The following THRB variants were observed in gnomAD, a reference collection of about 807,000 sequenced individuals.
The protein encoded by THRB is nuclear receptor subfamily 1 group A member 2.
THRB carries 12 observed loss-of-function variants against 47.8 expected under a neutral mutation model. That is an observed-to-expected ratio of 0.25 (90% CI 0.16 to 0.41). The LOEUF (loss-of-function observed/expected upper bound fraction) is 0.41, where lower values mean the gene tolerates loss of function less well. THRB is among the 10% of genes least tolerant of loss of function. THRB has a pLI of 1.00. For synonymous variants in THRB, 218 were observed against 212.2 expected (o/e 1.03, Z -0.24); for missense variants, 348 against 589.2 (o/e 0.59, Z 4.24).
Position 24,490,254 on chromosome 3 carries a change from A to G in THRB, c.-261+4398T>C, listed in dbSNP as rs562747426. 1.1e-4 allele frequency among the ~76,000 whole-genome samples: 16 copies of G among 152,334 alleles called. No individual in the cohort carries two copies. The South Asian group carries it at 3.3e-3, about 32-fold the overall frequency. On this transcript the variant is annotated intron_variant, in intron 1 of 10. Coordinates refer to ENST00000646209, the MANE Select transcript of THRB (RefSeq NM_001354712.2). ...CAAAGAATCAGAATGACTTTAAATA[A>G]AACAAGGAGTTAACTTGCCATCCAT... is the stretch of plus-strand genomic sequence containing the variant.
chr3:24,165,138 T>C (rs749758638), intron 5 of THRB: 1 of 765,124 alleles, frequency 1.3e-6, no homozygotes, highest in East Asian at 2.4e-5. Flanking sequence ...TCAGAGTCCT[T>C]GCTTTTAAAC....
intron 9 of THRB, among the ~76,000 whole-genome samples, chr3:24,128,884 T>TTTTTTTTTTG (rs2033372166): frequency 1.5e-5 from 2 of 136,120 alleles, no homozygotes; most frequent in African/African-American, 5.9e-5. Context: ...TTTTTTTTTT[T>TTTTTTTTTTG]TTTTTACCAT....
intron 1 of THRB, among the ~76,000 whole-genome samples, chr3:24,428,226 A>G (rs1461949692): frequency 6.6e-6 from 1 of 152,076 alleles, no homozygotes; most frequent in Non-Finnish European, 1.5e-5. Flanking sequence ...CTGTCAATAA[A>G]CAAAATATTA....
intron 4 of THRB, among the ~76,000 whole-genome samples, chr3:24,219,510 C>T (rs1269362280): frequency 4.6e-5 from 7 of 152,118 alleles, no homozygotes; most frequent in Non-Finnish European, 1.5e-5. Context: ...GTTCACTGGT[C>T]AAATGCATGG....
chr3:24,137,660 C>G (rs1269271402), intron 8 of THRB, among the ~76,000 whole-genome samples: 1 of 152,078 alleles, frequency 6.6e-6, no homozygotes, highest in East Asian at 1.9e-4. Flanking sequence ...CAGAGGTAGG[C>G]AGGGGGATCC....
chr3:24,152,040 C>A (rs1241017733), intron 6 of THRB, among the ~76,000 whole-genome samples: 1 of 152,166 alleles, frequency 6.6e-6, no homozygotes, highest in African/African-American at 2.4e-5. Context: ...GAGAAACAGT[C>A]ATTTCTCGGG....
At chr3:24,492,855 G>C (rs1386974168) in intron 1 of THRB, among the ~76,000 whole-genome samples, 1 of 152,050 alleles carries the variant, frequency 6.6e-6, no homozygotes, top group African/African-American at 2.4e-5. Context: ...ATGCCAACAG[G>C]AATTATTTCA....
At chr3:24,132,019 C>T (rs2033938417) in intron 9 of THRB, among the ~76,000 whole-genome samples, 1 of 152,138 alleles carries the variant, frequency 6.6e-6, no homozygotes, top group Non-Finnish European at 1.5e-5. Context: ...TGTGGAGGCT[C>T]AGAAATTGGC....
intron 5 of THRB, 123 bp from the exon 6 acceptor site, chr3:24,152,613 G>T (rs1036800169): frequency 8.7e-6 from 6 of 691,364 alleles, no homozygotes; most frequent in African/African-American, 3.6e-5. Flanking sequence ...CAACAGTAAA[G>T]ACTTAGTGAA....
intron 1 of THRB, among the ~76,000 whole-genome samples, chr3:24,451,428 G>C (rs2072644060): frequency 6.6e-6 from 1 of 151,788 alleles, no homozygotes; most frequent in African/African-American, 2.4e-5. Flanking sequence ...GTAGAGATGG[G>C]GTTTCACTAT....
At chr3:24,489,552 G>C (rs1488052412) in intron 1 of THRB, among the ~76,000 whole-genome samples, 1 of 152,176 alleles carries the variant, frequency 6.6e-6, no homozygotes, top group Non-Finnish European at 1.5e-5. Context: ...GGACAGTCAA[G>C]GTTCCTAGGT....
chr3:24,228,664 A>C (rs1161031183), intron 4 of THRB, among the ~76,000 whole-genome samples: 1 of 151,788 alleles, frequency 6.6e-6, no homozygotes, highest in African/African-American at 2.4e-5. Flanking sequence ...GAAAAAAAAG[A>C]AAAGAAAATA....
Position 24,139,652 on chromosome 3 carries a change from C to T in THRB, c.738+3849G>A, listed in dbSNP as rs536329116. On this transcript the variant is annotated intron_variant, in intron 8 of 10. Transcript: ENST00000646209. ...CCACCCACCTTGGCCTCCCAAAGTG[C>T]TGAAACTGCAGGCATGAGCCACTGT... 2.0e-4 allele frequency among the ~76,000 whole-genome samples: 30 copies of T among 152,302 alleles called. No individual in the cohort carries two copies. The South Asian group carries it at 6.2e-3, about 32-fold the overall frequency.
chr3:24,326,140 A>C (rs2058790367), intron 2 of THRB, among the ~76,000 whole-genome samples: 1 of 152,234 alleles, frequency 6.6e-6, no homozygotes, highest in African/African-American at 2.4e-5. Flanking sequence ...AGTTGCCAAA[A>C]TATAAATAAT....
chr3:24,252,798 G>C (rs972832559), intron 3 of THRB, among the ~76,000 whole-genome samples: 1 of 151,992 alleles, frequency 6.6e-6, no homozygotes, highest in Non-Finnish European at 1.5e-5. Context: ...AGTGAGAAAA[G>C]CAAAGTGCAT....
intron 3 of THRB, among the ~76,000 whole-genome samples, chr3:24,263,631 T>G (rs979774900): frequency 3.3e-5 from 5 of 151,556 alleles, no homozygotes; most frequent in African/African-American, 1.2e-4. Context: ...TTTTTTTTTT[T>G]GCTGGCATTC....
chr3:24,423,036 G>A (rs755554951), intron 1 of THRB, among the ~76,000 whole-genome samples: 16 of 151,846 alleles, frequency 1.1e-4, no homozygotes, highest in Admixed American at 6.6e-4. Flanking sequence ...CCACCAAGCT[G>A]TGAGAAAGCC....
chr3:24,142,483 C>G (rs948175720), intron 8 of THRB, among the ~76,000 whole-genome samples: 9 of 152,212 alleles, frequency 5.9e-5, no homozygotes, highest in African/African-American at 2.2e-4. Flanking sequence ...GATCCACTAT[C>G]TCATTGTAAT....
intron 7 of THRB, chr3:24,144,909 G>C (rs564830461): frequency 1.3e-5 from 2 of 151,884 alleles, no homozygotes; most frequent in Admixed American, 1.3e-4. Flanking sequence ...GGTAGGAAAA[G>C]AAAAAAAGCA....
Sources: allele counts gnomAD v4.1 joint callset (sites outside exome capture counted in the v4.1 genomes callset), GRCh38; gene constraint gnomAD v4.1.1; transcripts MANE v1.5; gene names NCBI Gene and HGNC (gene_info 2026-07-23, HGNC 2026-07-21).